Variants in HS6ST3 observed in about 807,000 individuals in gnomAD.
HS6ST3 encodes heparan sulfate 6-O-sulfotransferase 3, also known as heparan-sulfate 6-O-sulfotransferase 3.
A neutral mutation model predicts 36.7 loss-of-function variants in HS6ST3; 12 were observed. The observed-to-expected ratio is 0.33, with a 90% CI of 0.21 to 0.53. HS6ST3 has a LOEUF of 0.53. Ranked by LOEUF, HS6ST3 falls within the 20% of genes least tolerant of loss-of-function variation. HS6ST3 has a pLI of 0.95. For synonymous variants in HS6ST3, 240 were observed against 257.5 expected, an observed-to-expected ratio of 0.93 and a Z score of 0.65; for missense variants, 584 against 640.9, an observed-to-expected ratio of 0.91 and a Z score of 0.96.
chr13:96,437,237 C>G lies in HS6ST3; in HGVS notation c.707+345668C>G, dbSNP rs187256246. Reference sequence around the variant, plus strand: ...GATCAGGCCCATTCTCCAGCATGACCTTGTTAATTTTCTCTCCTTCCAGGA... The same window carrying G: ...GATCAGGCCCATTCTCCAGCATGACGTTGTTAATTTTCTCTCCTTCCAGGA... On this transcript the variant is annotated intron_variant, in intron 1 of 1. Coordinates refer to ENST00000376705, the MANE Select transcript of HS6ST3 (RefSeq NM_153456.4). Among the ~76,000 whole-genome samples, 214 of 152,332 alleles carry G rather than the reference C, an allele frequency of 1.4e-3. 2 individuals are homozygous for G. Among genetic ancestry groups the G allele is most frequent in the Non-Finnish European group, 2.2e-3 (152 of 68,036 alleles).
chr13:96,288,070 T>C (rs2054812212), intron 1 of HS6ST3, among the ~76,000 whole-genome samples: 1 of 152,136 alleles, frequency 6.6e-6, no homozygotes, highest in Non-Finnish European at 1.5e-5. Flanking sequence ...TGCAAATTGT[T>C]GGGACTCACT....
intron 1 of HS6ST3, among the ~76,000 whole-genome samples, chr13:96,554,489 C>T (rs1348157971): frequency 6.6e-6 from 1 of 152,146 alleles, no homozygotes; most frequent in Non-Finnish European, 1.5e-5. Context: ...TCTGCTATAA[C>T]AAAACCAATG....
chr13:96,417,633 T>TAC (rs1341704923), intron 1 of HS6ST3, among the ~76,000 whole-genome samples: 1 of 144,356 alleles, frequency 6.9e-6, no homozygotes, highest in African/African-American at 2.6e-5. Flanking sequence ...TACATATATA[T>TAC]ACACACAGAT....
intron 1 of HS6ST3, among the ~76,000 whole-genome samples, chr13:96,601,407 T>C (rs1822120343): frequency 1.3e-5 from 2 of 152,138 alleles, no homozygotes; most frequent in African/African-American, 4.8e-5. Flanking sequence ...TCTAGTCTTT[T>C]GTTGAAACTT....
chr13:96,097,951 ACT>A (rs1312424105), intron 1 of HS6ST3, among the ~76,000 whole-genome samples: 3 of 152,132 alleles, frequency 2.0e-5, no homozygotes, highest in African/African-American at 7.2e-5. Context: ...ATTCCAAATG[ACT>A]CTGTTATTTC....
intron 1 of HS6ST3, among the ~76,000 whole-genome samples, chr13:96,604,423 G>T (rs1399076251): frequency 1.3e-5 from 2 of 152,140 alleles, no homozygotes; most frequent in African/African-American, 4.8e-5. Flanking sequence ...GCTAGAAAAA[G>T]AATTTCAGTT....
chr13:96,363,544 A>C (rs1202886574), intron 1 of HS6ST3, among the ~76,000 whole-genome samples: 1 of 152,200 alleles, frequency 6.6e-6, no homozygotes, highest in Non-Finnish European at 1.5e-5. Context: ...CTAAATCCAA[A>C]GGCCTTTATG....
intron 1 of HS6ST3, among the ~76,000 whole-genome samples, chr13:96,232,545 T>C (rs1248122476): frequency 6.6e-6 from 1 of 152,092 alleles, no homozygotes; most frequent in African/African-American, 2.4e-5. Flanking sequence ...GTGCAGGATC[T>C]AAATAGGTTG....
At chr13:96,827,122 T>C (rs1389392465) in intron 1 of HS6ST3, among the ~76,000 whole-genome samples, 1 of 152,192 alleles carries the variant, frequency 6.6e-6, no homozygotes, top group African/African-American at 2.4e-5. Flanking sequence ...AGTTGGTAGT[T>C]AGCATTTCTT....
At chr13:96,412,390 A>T (rs2055512527) in intron 1 of HS6ST3, among the ~76,000 whole-genome samples, 1 of 152,166 alleles carries the variant, frequency 6.6e-6, no homozygotes, top group Admixed American at 6.5e-5. Flanking sequence ...AGAGATAAAG[A>T]TTCTAAGTCA....
At chr13:96,377,332 G>A (rs961319776) in intron 1 of HS6ST3, among the ~76,000 whole-genome samples, 3 of 151,788 alleles carry the variant, frequency 2.0e-5, no homozygotes, top group African/African-American at 7.3e-5. Flanking sequence ...CAGCCTGGGT[G>A]ACAGAGAAAG....
rs115222141 is a variant in HS6ST3 at position 96,399,916 on chromosome 13, C to G, written c.707+308347C>G. Among the ~76,000 whole-genome samples, 282 of 152,316 alleles carry G rather than the reference C, an allele frequency of 1.9e-3. 2 individuals are homozygous for G. The highest frequency in any genetic ancestry group is 6.6e-3 in the African/African-American group (274 of 41,570). ...CTATTGAAGTCTTTTCCTCAGTGATCTGGTCTAATTTACTACGTCAGTCCT... is the reference window on the plus strand; with the variant it reads ...CTATTGAAGTCTTTTCCTCAGTGATGTGGTCTAATTTACTACGTCAGTCCT... On this transcript the variant is annotated intron_variant, in intron 1 of 1. Transcript: ENST00000376705.
chr13:96,644,100 T>C (rs2056579964), intron 1 of HS6ST3, among the ~76,000 whole-genome samples: 1 of 151,986 alleles, frequency 6.6e-6, no homozygotes, highest in Admixed American at 6.6e-5. Flanking sequence ...ATTAAAAGAC[T>C]CAATAAATGA....
At chr13:96,804,320 G>A (rs181153064) in intron 1 of HS6ST3, among the ~76,000 whole-genome samples, 4 of 152,224 alleles carry the variant, frequency 2.6e-5, no homozygotes, top group East Asian at 1.9e-4. Context: ...TGTCCTTTAC[G>A]TGGCTTCTGA....
At chr13:96,624,322 C>A (rs1298923541) in intron 1 of HS6ST3, among the ~76,000 whole-genome samples, 1 of 152,046 alleles carries the variant, frequency 6.6e-6, no homozygotes, top group East Asian at 1.9e-4. Flanking sequence ...ATGATTGATA[C>A]CTTTGGGTTT....
chr13:96,701,206 A>G (rs751073196), intron 1 of HS6ST3, among the ~76,000 whole-genome samples: 1 of 152,210 alleles, frequency 6.6e-6, no homozygotes, highest in African/African-American at 2.4e-5. Flanking sequence ...CAACATTTCT[A>G]TCATGACGAC....
chr13:96,664,724 C>A (rs768978534), intron 1 of HS6ST3, among the ~76,000 whole-genome samples: 8 of 152,190 alleles, frequency 5.3e-5, no homozygotes, highest in Admixed American at 1.3e-4. Context: ...AGTATCAGAA[C>A]TGTTTCTCTT....
At chr13:96,389,608 C>T (rs905965636) in intron 1 of HS6ST3, among the ~76,000 whole-genome samples, 2 of 152,090 alleles carry the variant, frequency 1.3e-5, no homozygotes, top group Non-Finnish European at 2.9e-5. Context: ...TTCCGTCTCC[C>T]TAAATCTCAT....
intron 1 of HS6ST3, among the ~76,000 whole-genome samples, chr13:96,370,863 A>C (rs2055286432): frequency 6.6e-6 from 1 of 152,146 alleles, no homozygotes; most frequent in South Asian, 2.1e-4. Context: ...GTGCCATTGC[A>C]CTCCAGCCTG....
Sources: gnomAD v4.1 joint callset for allele counts (sites outside exome capture counted in the v4.1 genomes callset) on GRCh38, gnomAD v4.1.1 for gene constraint, MANE v1.5 for transcripts, NCBI Gene and HGNC (gene_info 2026-07-23, HGNC 2026-07-21) for gene names.